GABRA2: variants seen among roughly 807,000 people sequenced by gnomAD.
GABRA2 encodes the protein gamma-aminobutyric acid receptor subunit alpha-2.
In GABRA2, 16 loss-of-function variants were observed where a neutral mutation model predicts 48.7. The ratio of observed to expected loss-of-function variants is 0.33; its 90% CI spans 0.22 to 0.50. The LOEUF is 0.50. GABRA2 is among the 20% of genes least tolerant of loss of function. GABRA2 has a pLI of 0.98. For missense variants in GABRA2, 275 were observed against 535.6 expected (o/e 0.51, Z 4.80); for synonymous variants, 185 against 184.5 (o/e 1.00, Z -0.02).
At chr4:46,306,525 A>C (rs1449941776) in intron 6 of GABRA2, among the ~76,000 whole-genome samples, 1 of 152,160 alleles carries the variant, frequency 6.6e-6, no homozygotes, top group East Asian at 1.9e-4. Context: ...CCCACTGGGG[A>C]ACAGATAACC....
intron 8 of GABRA2, among the ~76,000 whole-genome samples, chr4:46,277,354 C>T (rs1720697104): frequency 6.6e-6 from 1 of 152,126 alleles, no homozygotes; most frequent in Non-Finnish European, 1.5e-5. Context: ...TGCCTTGTGC[C>T]AAAGTCAATT....
Position 46,298,304 on chromosome 4 carries a change from C to A in GABRA2, c.856+5156G>T, listed in dbSNP as rs1041135656. 3.9e-5 allele frequency among the ~76,000 whole-genome samples: 6 copies of A among 152,038 alleles called. No homozygotes were observed. In the South Asian group the frequency reaches 6.2e-4, roughly 16 times the overall value. ...AAGATTATCTTTTTGTAGTTGTGCTCATCTTTTTATTAGTGTTCTTTGTTT... is the reference window on the plus strand; with the variant it reads ...AAGATTATCTTTTTGTAGTTGTGCTAATCTTTTTATTAGTGTTCTTTGTTT... On this transcript the variant is annotated intron_variant, in intron 8 of 9. Coordinates refer to ENST00000381620, the MANE Select transcript of GABRA2 (RefSeq NM_000807.4).
chr4:46,326,533 G>C (rs1324965437), intron 4 of GABRA2, among the ~76,000 whole-genome samples: 2 of 148,748 alleles, frequency 1.3e-5, no homozygotes, highest in Non-Finnish European at 3.0e-5. Context: ...GCATAGCCTA[G>C]CTCAGAAAAT....
chr4:46,271,888 A>G (rs1719406119), intron 8 of GABRA2, among the ~76,000 whole-genome samples: 1 of 151,874 alleles, frequency 6.6e-6, no homozygotes, highest in Non-Finnish European at 1.5e-5. Flanking sequence ...GCAGAGATAT[A>G]AAAATTTTGT....
At chr4:46,304,033 AT>A (rs1407900218) in intron 7 of GABRA2, among the ~76,000 whole-genome samples, 1 of 151,932 alleles carries the variant, frequency 6.6e-6, no homozygotes, top group African/African-American at 2.4e-5. Context: ...TTTTTTTTTA[AT>A]TTGGAGCATT....
intron 3 of GABRA2, among the ~76,000 whole-genome samples, chr4:46,381,659 G>A (rs1226904847): frequency 2.0e-5 from 3 of 152,110 alleles, no homozygotes; most frequent in South Asian, 2.1e-4. Context: ...CTATTCCTGC[G>A]AGATATAAAT....
rs367658443 is a variant in GABRA2, at chr4:46,283,859, A to T, written c.856+19601T>A. ...ACTGCCAGCTCCGCCTCCTGGGTTCATGCCATTCTCCTGCCTCAGCCTCCC... is the reference window on the plus strand; with the variant it reads ...ACTGCCAGCTCCGCCTCCTGGGTTCTTGCCATTCTCCTGCCTCAGCCTCCC... On this transcript the variant is annotated intron_variant, in intron 8 of 9. Transcript: ENST00000381620. Among the ~76,000 whole-genome samples, 5 of 152,294 alleles carry T rather than the reference A, an allele frequency of 3.3e-5. No individual in the cohort carries two copies. In the South Asian group the frequency reaches 1.0e-3, roughly 32 times the overall value.
intron 4 of GABRA2, among the ~76,000 whole-genome samples, chr4:46,316,192 C>A (rs531927988): frequency 3.3e-5 from 5 of 152,022 alleles, no homozygotes; most frequent in African/African-American, 4.8e-5. Context: ...TAATTTGTCA[C>A]CGTCACAAGC....
intron 3 of GABRA2, among the ~76,000 whole-genome samples, chr4:46,361,952 A>G (rs539210686): frequency 6.6e-6 from 1 of 152,314 alleles, no homozygotes; most frequent in East Asian, 1.9e-4. Flanking sequence ...GGTTGTATTT[A>G]TGCCTGTACC....
rs1560446761 is a variant in GABRA2, at chr4:46,264,393, T to C, written c.857-2265A>G. Among the ~76,000 whole-genome samples the C allele has an allele frequency of 3.3e-5, 5 of 152,234 alleles. No individual in the cohort carries two copies. In the South Asian group the frequency reaches 8.3e-4, roughly 25 times the overall value. On this transcript the variant is annotated intron_variant, in intron 8 of 9. Transcript: ENST00000381620. ...GGTGAGAGCAGACATCTGTGTCTTA[T>C]TTCTGATGTTAGGGAGAAACTTTAA...
chr4:46,359,216 T>C (rs76685095), intron 3 of GABRA2, among the ~76,000 whole-genome samples: 233 of 152,288 alleles, frequency 1.5e-3, no homozygotes, highest in Middle Eastern at 3.4e-3. Context: ...TTTAGGGAGA[T>C]ACTCTTAAAC....
chr4:46,333,193 G>T (rs1342912648), intron 3 of GABRA2, among the ~76,000 whole-genome samples: 2 of 151,902 alleles, frequency 1.3e-5, no homozygotes, highest in African/African-American at 4.8e-5. Flanking sequence ...AATATAAAAA[G>T]CTCAATCATT....
chr4:46,339,192 A>T (rs1423200598), intron 3 of GABRA2, among the ~76,000 whole-genome samples: 3 of 151,922 alleles, frequency 2.0e-5, no homozygotes, highest in Non-Finnish European at 4.4e-5. Context: ...GACATGAGAC[A>T]CATGTGGCCA....
chr4:46,303,267 T>C, intron 8 of GABRA2, 193 bp downstream of exon 8: 2 of 547,166 alleles, frequency 3.7e-6, no homozygotes, highest in Non-Finnish European at 6.4e-6. Flanking sequence ...AGTACTTTTC[T>C]TTCCTTATAT....
chr4:46,351,672 T>A (rs1735147206), intron 3 of GABRA2, among the ~76,000 whole-genome samples: 2 of 151,942 alleles, frequency 1.3e-5, no homozygotes, highest in African/African-American at 4.8e-5. Context: ...CCAAGAAAAA[T>A]GATTACAGAC....
chr4:46,272,618 T>C (rs1719556148), intron 8 of GABRA2, among the ~76,000 whole-genome samples: 1 of 151,446 alleles, frequency 6.6e-6, no homozygotes, highest in Non-Finnish European at 1.5e-5. Flanking sequence ...GAAATGGGGG[T>C]TGGGTAGGGC....
intron 3 of GABRA2, among the ~76,000 whole-genome samples, chr4:46,360,448 C>T (rs955401867): frequency 1.3e-5 from 2 of 152,208 alleles, no homozygotes; most frequent in South Asian, 2.1e-4. Context: ...CTGCCTGCTG[C>T]CATCCATGTA....
chr4:46,331,103 C>T (rs1357642960), intron 4 of GABRA2, among the ~76,000 whole-genome samples: 1 of 152,092 alleles, frequency 6.6e-6, no homozygotes, highest in Non-Finnish European at 1.5e-5. Flanking sequence ...TACAATAATG[C>T]CAGGGAAAAA....
chr4:46,388,519 C>T lies in GABRA2; in HGVS notation c.71+117G>A. ...CTTCATAGTTCACTTTCCCCATACACCCCCTTTTCTGAGAAATAATTCTTT... is the reference window on the plus strand; with the variant it reads ...CTTCATAGTTCACTTTCCCCATACATCCCCTTTTCTGAGAAATAATTCTTT... On this transcript the variant is annotated intron_variant, in intron 2 of 9. Coordinates refer to ENST00000381620, the MANE Select transcript of GABRA2 (RefSeq NM_000807.4). 15 of 1,221,902 alleles carry T rather than the reference C, an allele frequency of 1.2e-5. No individual in the cohort carries two copies. In the South Asian group the frequency reaches 1.9e-4, roughly 16 times the overall value. 75.7% of individuals were successfully genotyped at this position (1,221,902 alleles called of 1,614,324 possible).
Sources: gnomAD v4.1 joint callset for allele counts (sites outside exome capture counted in the v4.1 genomes callset) on GRCh38, gnomAD v4.1.1 for gene constraint, MANE v1.5 for transcripts, NCBI Gene and HGNC (gene_info 2026-07-23, HGNC 2026-07-21) for gene names.